MAPK4: variants seen among roughly 807,000 people sequenced by gnomAD.
MAPK4 encodes the protein mitogen-activated protein kinase 4, also known as Erk3-related.
In MAPK4, 22 loss-of-function variants were observed where a neutral mutation model predicts 47.7. The ratio of observed to expected loss-of-function variants is 0.46; its 90% CI spans 0.33 to 0.66. MAPK4 has a LOEUF of 0.66. Ranked by LOEUF, MAPK4 falls within the 30% of genes least tolerant of loss-of-function variation. MAPK4 has a pLI of 0.02. For missense variants in MAPK4, 736 were observed against 831.7 expected, an observed-to-expected ratio of 0.88 and a Z score of 1.42; for synonymous variants, 390 against 365.7, an observed-to-expected ratio of 1.07 and a Z score of -0.76.
rs899503569 is a variant in MAPK4, at chr18:50,663,672, A to C, written c.-287A>C. 3.5e-6 allele frequency: 1 copy of C among 289,402 alleles called. No individual in the cohort carries two copies. The highest frequency in any genetic ancestry group is 6.4e-6 in the Non-Finnish European group (1 of 155,856). 17.9% of individuals were successfully genotyped at this position (289,402 alleles called of 1,614,324 possible). ...GCCAGCTTTAAAAGAAATATGAGCC[A>C]TTCTAAGCTTTAAGAAGGGTTCAGG... On this transcript the variant is annotated 5_prime_UTR_variant, in exon 2 of 6. Coordinates refer to ENST00000400384, the MANE Select transcript of MAPK4 (RefSeq NM_002747.4).
chr18:50,658,848 G>A (rs893068186), intron 1 of MAPK4, among the ~76,000 whole-genome samples: 1 of 152,202 alleles, frequency 6.6e-6, no homozygotes, highest in Admixed American at 6.5e-5. Context: ...GAAGGAGACA[G>A]TGCAGTGCAG....
chr18:50,598,154 C>A (rs2042501651), intron 1 of MAPK4, among the ~76,000 whole-genome samples: 1 of 152,182 alleles, frequency 6.6e-6, no homozygotes, highest in Admixed American at 6.5e-5. Flanking sequence ...TATGTTAGAC[C>A]TTAAAACTTG....
rs1272987618 is a variant in MAPK4 at position 50,731,796 on chromosome 18, C to T, written c.*1942C>T. The T allele has an allele frequency of 6.6e-6, 1 of 152,134 alleles. No homozygotes were observed. The highest frequency in any genetic ancestry group is 1.5e-5 in the Non-Finnish European group (1 of 68,030). 9.4% of individuals were successfully genotyped at this position (152,134 alleles called of 1,614,324 possible). A position where few individuals can be genotyped will look rare whatever the true frequency, so the allele number is the denominator to read the frequency against. On this transcript the variant is annotated 3_prime_UTR_variant, in exon 6 of 6. Coordinates refer to ENST00000400384, the MANE Select transcript of MAPK4 (RefSeq NM_002747.4). The stretch of plus-strand genomic sequence containing the variant: ...TAAACATTATTAAACTTGATCAGGT[C>T]AGGCCAAATAAAGTTTTATTGGAAC...
At chr18:50,639,639 G>A (rs1389022648) in intron 1 of MAPK4, among the ~76,000 whole-genome samples, 1 of 152,180 alleles carries the variant, frequency 6.6e-6, no homozygotes, top group Non-Finnish European at 1.5e-5. Flanking sequence ...AAAGGGATTA[G>A]ACTCTGCACC....
intron 2 of MAPK4, among the ~76,000 whole-genome samples, chr18:50,713,549 G>A (rs566947973): frequency 3.3e-5 from 5 of 152,340 alleles, no homozygotes; most frequent in East Asian, 3.9e-4. Flanking sequence ...AGGAGGCATG[G>A]GGCTGGGCTA....
intron 1 of MAPK4, among the ~76,000 whole-genome samples, chr18:50,586,318 A>G (rs1258286232): frequency 6.6e-6 from 1 of 152,060 alleles, no homozygotes; most frequent in African/African-American, 2.4e-5. Flanking sequence ...ATTTTGAACA[A>G]AGTATTCTGA....
At chr18:50,602,579 A>G (rs186141802) in intron 1 of MAPK4, among the ~76,000 whole-genome samples, 1 of 152,336 alleles carries the variant, frequency 6.6e-6, no homozygotes, top group Admixed American at 6.5e-5. Flanking sequence ...AGCGCTTAGC[A>G]TTTGAAATAT....
At chr18:50,655,788 TACTC>T (rs1342435335) in intron 1 of MAPK4, among the ~76,000 whole-genome samples, 1 of 152,164 alleles carries the variant, frequency 6.6e-6, no homozygotes, top group African/African-American at 2.4e-5. Flanking sequence ...TTTTAGCCCC[TACTC>T]ACTCTGGAGG....
chr18:50,561,234 T>C (rs1408513853), intron 1 of MAPK4, among the ~76,000 whole-genome samples: 2 of 152,240 alleles, frequency 1.3e-5, no homozygotes, highest in Non-Finnish European at 2.9e-5. Flanking sequence ...TTTCCATTCA[T>C]GGATCTGTGC....
chr18:50,716,870 G>T (rs1039474850), intron 3 of MAPK4, among the ~76,000 whole-genome samples: 5 of 152,150 alleles, frequency 3.3e-5, no homozygotes, highest in Admixed American at 6.5e-5. Context: ...CCTGTACACA[G>T]AGCGGGATAG....
chr18:50,564,468 G>T (rs1287094739), intron 1 of MAPK4, among the ~76,000 whole-genome samples: 3 of 152,090 alleles, frequency 2.0e-5, no homozygotes, highest in African/African-American at 7.2e-5. Context: ...TATCCCCTGG[G>T]AAACAAAATC....
chr18:50,644,127 C>T (rs763759675), intron 1 of MAPK4, among the ~76,000 whole-genome samples: 4 of 152,030 alleles, frequency 2.6e-5, no homozygotes, highest in Non-Finnish European at 5.9e-5. Flanking sequence ...GAGATTTCTG[C>T]ACTGAAAAGG....
intron 1 of MAPK4, among the ~76,000 whole-genome samples, chr18:50,649,167 T>C (rs1011710236): frequency 6.6e-6 from 1 of 152,172 alleles, no homozygotes. Context: ...GGCCCTTGGC[T>C]CAGTCCCGTG....
At chr18:50,714,206 A>C (rs913868793) in intron 2 of MAPK4, among the ~76,000 whole-genome samples, 1 of 151,948 alleles carries the variant, frequency 6.6e-6, no homozygotes, top group Non-Finnish European at 1.5e-5. Flanking sequence ...GGATCTATAC[A>C]TTTTTTTTCT....
chr18:50,623,848 T>G (rs991091576), intron 1 of MAPK4, among the ~76,000 whole-genome samples: 1 of 152,224 alleles, frequency 6.6e-6, no homozygotes, highest in Non-Finnish European at 1.5e-5. Flanking sequence ...AACCCTGCCC[T>G]TCTGGATTCA....
intron 1 of MAPK4, among the ~76,000 whole-genome samples, chr18:50,612,370 G>A (rs1213997009): frequency 6.6e-6 from 1 of 152,256 alleles, no homozygotes; most frequent in East Asian, 1.9e-4. Context: ...CCTATCATAA[G>A]CAATGGCTTT....
At position 50,730,069 on chromosome 18, in the gene MAPK4, AG is replaced by A; in HGVS notation, c.*219del. ...GCGGGTTTGAACAGGACCCTGGCTTAGGGGTTGATCACTTTCCTAGCAAAGG... is the reference window on the plus strand; with the variant it reads ...GCGGGTTTGAACAGGACCCTGGCTTAGGGTTGATCACTTTCCTAGCAAAGG... On this transcript the variant is annotated 3_prime_UTR_variant, in exon 6 of 6. Transcript: ENST00000400384. The A allele has an allele frequency of 2.2e-6, 1 of 454,718 alleles. No individual in the cohort carries two copies. The highest frequency in any genetic ancestry group is 3.8e-6 in the Non-Finnish European group (1 of 261,152). 28.2% of individuals were successfully genotyped at this position (454,718 alleles called of 1,614,324 possible). A position where few individuals can be genotyped will look rare whatever the true frequency, so the allele number is the denominator to read the frequency against.
At chr18:50,593,215 A>G (rs1267295233) in intron 1 of MAPK4, among the ~76,000 whole-genome samples, 1 of 152,200 alleles carries the variant, frequency 6.6e-6, no homozygotes, top group Non-Finnish European at 1.5e-5. Context: ...ATTTTGCGTC[A>G]TCAAAATTGG....
intron 5 of MAPK4, among the ~76,000 whole-genome samples, chr18:50,728,210 C>T (rs527383677): frequency 1.3e-5 from 2 of 152,232 alleles, no homozygotes; most frequent in Non-Finnish European, 2.9e-5. Context: ...GCCCCACAAC[C>T]CCAGGGTTCT....
Sources: allele counts gnomAD v4.1 joint callset (sites outside exome capture counted in the v4.1 genomes callset), GRCh38; gene constraint gnomAD v4.1.1; transcripts MANE v1.5; gene names NCBI Gene and HGNC (gene_info 2026-07-23, HGNC 2026-07-21).